GRIK2: variants seen among roughly 807,000 people sequenced by gnomAD.
GRIK2 encodes the protein glutamate ionotropic receptor kainate type subunit 2.
Under a neutral mutation model 100.3 loss-of-function variants are expected in GRIK2, and 32 were observed. The ratio of observed to expected loss-of-function variants is 0.32; its 90% confidence interval spans 0.24 to 0.43. GRIK2 has a LOEUF of 0.43. Among genes scored for constraint, GRIK2 ranks in the 20% least tolerant of loss-of-function variants. GRIK2 has a pLI of 1.00. For missense variants in GRIK2, 843 were observed against 1,114.9 expected, an observed-to-expected ratio of 0.76 and a Z score of 3.47; for synonymous variants, 417 against 389.4, an observed-to-expected ratio of 1.07 and a Z score of -0.83.
At chr6:101,528,890 A>T (rs1317244967) in intron 2 of GRIK2, among the ~76,000 whole-genome samples, 1 of 152,142 alleles carries the variant, frequency 6.6e-6, no homozygotes, top group Non-Finnish European at 1.5e-5. Flanking sequence ...ATTTAAGATG[A>T]GGAAGGGATT....
chr6:101,396,354 T>C (rs75020608), intron 1 of GRIK2, among the ~76,000 whole-genome samples: 4,897 of 152,028 alleles, frequency 0.032, 89 homozygotes, highest in Non-Finnish European at 0.046. Flanking sequence ...GATAACTAAT[T>C]GTACATTTAA....
intron 2 of GRIK2, among the ~76,000 whole-genome samples, chr6:101,468,434 A>G (rs886071864): frequency 5.9e-5 from 9 of 152,090 alleles, no homozygotes; most frequent in African/African-American, 1.4e-4. Context: ...ATGTCTTTTT[A>G]TAGTATGTTT....
At chr6:101,721,502 A>G (rs1252664953) in intron 7 of GRIK2, among the ~76,000 whole-genome samples, 1 of 152,052 alleles carries the variant, frequency 6.6e-6, no homozygotes, top group East Asian at 1.9e-4. Flanking sequence ...AGAGGCTACA[A>G]TGAGCCATGA....
At chr6:101,611,709 A>G (rs1779683037) in intron 2 of GRIK2, among the ~76,000 whole-genome samples, 2 of 151,686 alleles carry the variant, frequency 1.3e-5, no homozygotes, top group South Asian at 2.1e-4. Context: ...TGAAGTGGAG[A>G]CCAGACACTC....
At chr6:101,606,877 G>A (rs610044) in intron 2 of GRIK2, among the ~76,000 whole-genome samples, 3,684 of 151,984 alleles carry the variant, frequency 0.024, 155 homozygotes, top group African/African-American at 0.085. Flanking sequence ...TTTATTCCAT[G>A]AATTTGTCCA....
At chr6:101,729,646 G>C (rs1408571456) in intron 7 of GRIK2, among the ~76,000 whole-genome samples, 46 of 151,640 alleles carry the variant, frequency 3.0e-4, no homozygotes, top group Non-Finnish European at 2.9e-5. Flanking sequence ...GTCATATCCT[G>C]AACGCTTTAG....
chr6:101,732,380 T>G lies in GRIK2; in HGVS notation c.951+46027T>G, dbSNP rs533832354. Among the ~76,000 whole-genome samples, 266 of 152,176 alleles carry G rather than the reference T, an allele frequency of 1.7e-3. 1 individual carries two copies. Among genetic ancestry groups the G allele is most frequent in the African/African-American group, 6.2e-3 (257 of 41,572 alleles). The stretch of plus-strand genomic sequence containing the variant: ...TAGGAAACATTACTTTATTGAGATT[T>G]TTACATTAAGTGATAACAATCATAT... On this transcript the variant is annotated intron_variant, in intron 7 of 16. Coordinates refer to ENST00000369134, the MANE Select transcript of GRIK2 (RefSeq NM_021956.5).
chr6:101,638,206 C>A (rs1283072229), intron 4 of GRIK2, among the ~76,000 whole-genome samples: 1 of 149,174 alleles, frequency 6.7e-6, no homozygotes, highest in Non-Finnish European at 1.5e-5. Context: ...TTTATTTACT[C>A]CACAAGTAAT....
rs150564579 is a variant in GRIK2 at position 101,810,354 on chromosome 6, TTTAG to T, written c.1203+7921_1203+7924del. Among the ~76,000 whole-genome samples the T allele has an allele frequency of 3.0e-4, 45 of 152,120 alleles. No homozygotes were observed. In the East Asian group the frequency reaches 7.0e-3, roughly 24 times the overall value. On this transcript the variant is annotated intron_variant, in intron 9 of 16. Transcript: ENST00000369134. ...AAATCTTAAATGAGAAAAATCAGTG[TTTAG>T]TTAGATTATTAATTCCTTTCCATGA...
Position 102,068,683 on chromosome 6 carries a change from A to C in GRIK2, c.*172A>C. On this transcript the variant is annotated 3_prime_UTR_variant, in exon 17 of 17. Transcript: ENST00000369134. Reference sequence around the variant, plus strand: ...TAAGCAGTTGCAATGATCAGACTTGATTTACAAGCATCATGGATCAACCAA... The same window carrying C: ...TAAGCAGTTGCAATGATCAGACTTGCTTTACAAGCATCATGGATCAACCAA... 1 of 577,800 alleles carries C rather than the reference A, an allele frequency of 1.7e-6. No homozygotes were observed. Among genetic ancestry groups the C allele is most frequent in the African/African-American group, 1.9e-5 (1 of 52,800 alleles). 35.8% of individuals were successfully genotyped at this position (577,800 alleles called of 1,614,324 possible). A position where few individuals can be genotyped will look rare whatever the true frequency, so the allele number is the denominator to read the frequency against.
intron 12 of GRIK2, among the ~76,000 whole-genome samples, chr6:101,913,199 A>T (rs949402678): frequency 1.7e-4 from 26 of 151,592 alleles, no homozygotes; most frequent in Admixed American, 7.9e-4. Context: ...CTCTCGCTTA[A>T]TAAAATACAC....
intron 7 of GRIK2, among the ~76,000 whole-genome samples, chr6:101,777,602 T>A (rs116388550): frequency 0.025 from 3,852 of 152,300 alleles, 169 homozygotes; most frequent in African/African-American, 0.087. Context: ...GATTTTTTTT[T>A]ATTATTTTCT....
intron 12 of GRIK2, among the ~76,000 whole-genome samples, chr6:101,917,721 C>CT (rs947788603): frequency 1.3e-5 from 2 of 151,000 alleles, no homozygotes; most frequent in East Asian, 2.0e-4. Flanking sequence ...TCAAAATATT[C>CT]TTTTTTCCCC....
rs147082128 is a variant in GRIK2 at position 101,573,098 on chromosome 6, G to A, written c.116-48851G>A. On this transcript the variant is annotated intron_variant, in intron 2 of 16. Transcript: ENST00000369134. ...TGACCTCAAGTGATCCACCTTCCTC[G>A]GCCTCCCAAAGTGCTGGAATTACAG... 9.2e-3 allele frequency among the ~76,000 whole-genome samples: 1,393 copies of A among 151,856 alleles called. 18 individuals are homozygous for A. The highest frequency in any genetic ancestry group is 0.037 in the Middle Eastern group (11 of 294).
chr6:101,419,156 G>A (rs889272905), intron 2 of GRIK2, among the ~76,000 whole-genome samples: 7 of 152,024 alleles, frequency 4.6e-5, no homozygotes, highest in Non-Finnish European at 8.8e-5. Context: ...ACTGAGGCAC[G>A]AGCAGGTTTT....
intron 7 of GRIK2, among the ~76,000 whole-genome samples, chr6:101,746,243 A>G (rs1425557105): frequency 1.3e-5 from 2 of 152,170 alleles, no homozygotes; most frequent in African/African-American, 2.4e-5. Flanking sequence ...ATCTATTTTA[A>G]TCATCTAACC....
intron 10 of GRIK2, among the ~76,000 whole-genome samples, chr6:101,836,334 C>T (rs375008773): frequency 1.5e-4 from 23 of 152,058 alleles, no homozygotes; most frequent in African/African-American, 4.8e-4. Flanking sequence ...ACGGTAGCTT[C>T]GTCACATATG....
At chr6:101,666,790 A>G (rs1336418161) in intron 4 of GRIK2, among the ~76,000 whole-genome samples, 1 of 152,202 alleles carries the variant, frequency 6.6e-6, no homozygotes, top group African/African-American at 2.4e-5. Context: ...TAATGAAAAC[A>G]TTTTGATAAA....
rs1446228211 is a variant in GRIK2, at chr6:101,991,314, T to C, written c.2086-44027T>C. On this transcript the variant is annotated intron_variant, in intron 14 of 16. Coordinates refer to ENST00000369134, the MANE Select transcript of GRIK2 (RefSeq NM_021956.5). ...GAAATTTAAGCTTGAAGAAGTTTAG[T>C]AACTTGTTCAGTGACAGGCAAGTAA... Among the ~76,000 whole-genome samples, 6 of 151,562 alleles carry C rather than the reference T, an allele frequency of 4.0e-5. No individual in the cohort carries two copies. The South Asian group carries it at 8.3e-4, about 21-fold the overall frequency.
Sources: gnomAD v4.1 joint callset for allele counts (sites outside exome capture counted in the v4.1 genomes callset) on GRCh38, gnomAD v4.1.1 for gene constraint, MANE v1.5 for transcripts, NCBI Gene and HGNC (gene_info 2026-07-23, HGNC 2026-07-21) for gene names.